Variants in GRM8 observed in about 807,000 individuals in gnomAD.
The protein encoded by GRM8 is metabotropic glutamate receptor 8.
A neutral mutation model predicts 87.2 loss-of-function variants in GRM8; 47 were observed. The ratio of observed to expected loss-of-function variants is 0.54; its 90% CI spans 0.43 to 0.69. GRM8 has a LOEUF of 0.69. Among genes scored for constraint, GRM8 ranks in the 30% least tolerant of loss-of-function variants. GRM8 has a pLI of 0.00. For synonymous variants in GRM8, 396 were observed against 404.5 expected (o/e 0.98, Z 0.25); for missense variants, 1,019 against 1,139.2 (o/e 0.89, Z 1.52).
At chr7:127,122,658 T>C (rs1050257214) in intron 2 of GRM8, among the ~76,000 whole-genome samples, 8 of 152,028 alleles carry the variant, frequency 5.3e-5, no homozygotes, top group African/African-American at 1.4e-4. Context: ...AAGAATATAA[T>C]CTAACTTAAA....
chr7:126,816,829 T>A (rs1793831517), intron 6 of GRM8, among the ~76,000 whole-genome samples: 1 of 151,894 alleles, frequency 6.6e-6, no homozygotes. Context: ...CAAATCTCAA[T>A]GGATTCATCA....
rs2116887559 is a variant in GRM8 at position 127,244,096 on chromosome 7, T to C, written c.-311-581A>G. ...TGTGAAAAAAAATTAACATAGAAAG[T>C]CAGCTATTTCATATAAATTGTCTTA... is the stretch of plus-strand genomic sequence containing the variant. On this transcript the variant is annotated intron_variant, in intron 1 of 10. Transcript: ENST00000339582. 1.3e-5 allele frequency among the ~76,000 whole-genome samples: 2 copies of C among 152,270 alleles called. 1 individual carries two copies. Among genetic ancestry groups the C allele is most frequent in the Middle Eastern group, 6.8e-3 (2 of 294 alleles).
At chr7:126,507,640 T>G (rs1389407102) in intron 9 of GRM8, among the ~76,000 whole-genome samples, 1 of 152,062 alleles carries the variant, frequency 6.6e-6, no homozygotes, top group East Asian at 1.9e-4. Context: ...AGTCTTCTCT[T>G]TCTCTGAAAT....
chr7:126,939,350 C>A (rs1427228333), intron 3 of GRM8, among the ~76,000 whole-genome samples: 1 of 152,058 alleles, frequency 6.6e-6, no homozygotes, highest in African/African-American at 2.4e-5. Flanking sequence ...ATAAGAACAC[C>A]CAGTCTTTGA....
intron 6 of GRM8, among the ~76,000 whole-genome samples, chr7:126,824,405 T>A (rs1794577208): frequency 6.6e-6 from 1 of 152,210 alleles, no homozygotes; most frequent in Non-Finnish European, 1.5e-5. Flanking sequence ...GTACTGTGCT[T>A]TAAAACTTTG....
chr7:126,440,296 C>T (rs190204500), intron 10 of GRM8, among the ~76,000 whole-genome samples: 60 of 146,980 alleles, frequency 4.1e-4, no homozygotes, highest in Non-Finnish European at 7.6e-4. Context: ...CCTGTAATCC[C>T]AATTACTCAG....
chr7:126,626,746 A>G (rs1006787122), intron 7 of GRM8, among the ~76,000 whole-genome samples: 1 of 152,182 alleles, frequency 6.6e-6, no homozygotes, highest in African/African-American at 2.4e-5. Context: ...TCTGGCTGGC[A>G]TGTTGGCTCA....
chr7:126,921,344 T>C (rs1289384458), intron 3 of GRM8, among the ~76,000 whole-genome samples: 1 of 152,108 alleles, frequency 6.6e-6, no homozygotes, highest in East Asian at 1.9e-4. Context: ...AAAATGACCA[T>C]AAAATTGGAG....
At chr7:126,666,093 T>A (rs1414314553) in intron 7 of GRM8, among the ~76,000 whole-genome samples, 1 of 152,186 alleles carries the variant, frequency 6.6e-6, no homozygotes, top group East Asian at 1.9e-4. Flanking sequence ...CAGACAAAGA[T>A]CTTTTTGATA....
chr7:127,196,010 A>G (rs191029796), intron 2 of GRM8, among the ~76,000 whole-genome samples: 1 of 152,346 alleles, frequency 6.6e-6, no homozygotes, highest in Admixed American at 6.5e-5. Flanking sequence ...CTACATTATT[A>G]TAACCTCTTA....
intron 7 of GRM8, among the ~76,000 whole-genome samples, chr7:126,628,171 C>T (rs1440321612): frequency 6.6e-6 from 1 of 152,196 alleles, no homozygotes; most frequent in Non-Finnish European, 1.5e-5. Context: ...CCTCAGCCTC[C>T]TGAGTAGCTG....
chr7:126,492,293 C>T (rs1808112157), intron 9 of GRM8, among the ~76,000 whole-genome samples: 1 of 151,974 alleles, frequency 6.6e-6, no homozygotes, highest in South Asian at 2.1e-4. Context: ...TCAAGTGATT[C>T]ACCTGCCTCA....
chr7:127,066,513 T>A (rs1233797497), intron 3 of GRM8, among the ~76,000 whole-genome samples: 3 of 151,530 alleles, frequency 2.0e-5, no homozygotes, highest in Admixed American at 2.0e-4. Flanking sequence ...GTATTCTTTA[T>A]TTTTTTTTAA....
intron 2 of GRM8, among the ~76,000 whole-genome samples, chr7:127,215,632 TAG>T (rs1176627761): frequency 1.3e-5 from 2 of 152,238 alleles, no homozygotes; most frequent in African/African-American, 2.4e-5. Context: ...TTTGCCTCTG[TAG>T]AGACTTACAT....
chr7:127,147,072 T>C (rs913488513), intron 2 of GRM8, among the ~76,000 whole-genome samples: 2 of 152,088 alleles, frequency 1.3e-5, no homozygotes, highest in Non-Finnish European at 2.9e-5. Flanking sequence ...CTATTATTGC[T>C]ATTGCTATTT....
chr7:126,803,904 T>C (rs1792374725), intron 6 of GRM8, among the ~76,000 whole-genome samples: 6 of 152,256 alleles, frequency 3.9e-5, no homozygotes, highest in Admixed American at 2.6e-4. Flanking sequence ...TAAGGCAGTA[T>C]GCCTGGCACA....
At chr7:126,618,802 T>C (rs563968405) in intron 7 of GRM8, among the ~76,000 whole-genome samples, 103 of 152,222 alleles carry the variant, frequency 6.8e-4, no homozygotes, top group African/African-American at 2.3e-3. Context: ...ATCAGAGAAA[T>C]GCAAATCAAA....
At chr7:126,736,187 G>A (rs1814198865) in intron 7 of GRM8, among the ~76,000 whole-genome samples, 1 of 152,116 alleles carries the variant, frequency 6.6e-6, no homozygotes, top group South Asian at 2.1e-4. Context: ...CCGACAGAAT[G>A]TGCCATGCTA....
At position 126,733,780 on chromosome 7, in the gene GRM8, C is replaced by A. The variant is rs555538326; in HGVS notation, c.1357+36085G>T. On this transcript the variant is annotated intron_variant, in intron 7 of 10. Transcript: ENST00000339582. ...TCATTTTTAGGATGGTCAACAGTGA[C>A]ATCAGAGATCAGCAGGCATTATTTA... 5.3e-5 allele frequency among the ~76,000 whole-genome samples: 8 copies of A among 152,016 alleles called. No individual in the cohort carries two copies. The South Asian group carries it at 1.7e-3, about 32-fold the overall frequency.
Sources: gnomAD v4.1 joint callset for allele counts (sites outside exome capture counted in the v4.1 genomes callset) on GRCh38, gnomAD v4.1.1 for gene constraint, MANE v1.5 for transcripts, NCBI Gene and HGNC (gene_info 2026-07-23, HGNC 2026-07-21) for gene names.